Variants in THBS2 observed in about 807,000 individuals in gnomAD.
THBS2 encodes the protein thrombospondin-2.
In THBS2, 47 loss-of-function variants were observed where a neutral mutation model predicts 135.2. The ratio of observed to expected loss-of-function variants is 0.35; its 90% CI spans 0.28 to 0.44. THBS2 has a LOEUF of 0.44. Among genes scored for constraint, THBS2 ranks in the 20% least tolerant of loss-of-function variants. The probability of loss-of-function intolerance (pLI) is 1.00; values close to 1 mark genes in which losing one functional copy is unlikely to be tolerated. For missense variants in THBS2, 1,288 were observed against 1,603.1 expected (o/e 0.80, Z 3.36); for synonymous variants, 639 against 633.8 (o/e 1.01, Z -0.12).
intron 4 of THBS2, among the ~76,000 whole-genome samples, chr6:169,242,623 A>G (rs1477609454): frequency 6.8e-5 from 2 of 29,296 alleles, no homozygotes; most frequent in Non-Finnish European, 1.4e-4. Flanking sequence ...CACCGCTCCC[A>G]CCTTCCCACC....
chr6:169,245,752 A>C (rs989905993), intron 4 of THBS2, among the ~76,000 whole-genome samples: 1 of 149,346 alleles, frequency 6.7e-6, no homozygotes, highest in Admixed American at 6.8e-5. Flanking sequence ...AGATCGCACC[A>C]CTGCACTCCA....
chr6:169,236,466 C>T (rs1780078514), intron 9 of THBS2, among the ~76,000 whole-genome samples: 1 of 110,844 alleles, frequency 9.0e-6, no homozygotes, highest in African/African-American at 3.1e-5. Flanking sequence ...ACACCATCCA[C>T]ACTCACTCCC....
At chr6:169,239,438 A>G (rs937888763) in intron 7 of THBS2, 161 bp downstream of exon 7, 11 of 652,196 alleles carry the variant, frequency 1.7e-5, no homozygotes, top group Non-Finnish European at 2.6e-5. Flanking sequence ...GTCAGTCCTC[A>G]GTGGATGACC....
In THBS2 at chr6:169,234,737, C is replaced by T. The variant is rs201535956; in HGVS notation, c.1648G>A (p.Val550Met). Reference protein sequence around the residue: ...RQMCNKRSCPVDGCLSNPCFP... With the variant: ...RQMCNKRSCPMDGCLSNPCFP... The stretch of plus-strand genomic sequence containing the variant: ...CCCGCTTCTACCCCTCACTCACCCA[C>T]GGGGCAGCTCCTCTTGTTGCACATC... The change falls in exon 10 of 22, where the codon GTG becomes ATG. Residue 550 changes from valine (V) to methionine (M), a missense_variant. By Grantham distance (21) the Val-to-Met change is conservative. Transcript: ENST00000617924. 1.7e-5 allele frequency: 27 copies of T among 1,567,686 alleles called. No individual in the cohort carries two copies. The East Asian group carries it at 2.1e-4, about 12-fold the overall frequency.
At chr6:169,229,804 A>G in intron 13 of THBS2, 125 bp from the exon 14 acceptor site, 1 of 714,700 alleles carries the variant, frequency 1.4e-6, no homozygotes. Flanking sequence ...CCTCGATCTC[A>G]AGCGGGAGCT....
At chr6:169,246,744 G>A (rs1208164966) in intron 3 of THBS2, among the ~76,000 whole-genome samples, 10 of 152,162 alleles carry the variant, frequency 6.6e-5, no homozygotes, top group South Asian at 2.1e-4. Flanking sequence ...GAGTTATGAC[G>A]GGGCTGGGCC....
In THBS2 at chr6:169,219,953, G is replaced by C. The variant is rs191825093; in HGVS notation, c.3511+245C>G. On this transcript the variant is annotated intron_variant, in intron 21 of 21. Transcript: ENST00000617924. ...CTAGGCTATGGCACAATGAGGATGGGTGGGACCTGTAAATAATTGGAAAGT... is the reference window on the plus strand; with the variant it reads ...CTAGGCTATGGCACAATGAGGATGGCTGGGACCTGTAAATAATTGGAAAGT... 2.1e-4 allele frequency: 125 copies of C among 608,006 alleles called. 1 individual carries two copies. In the East Asian group the frequency reaches 2.7e-3, roughly 13 times the overall value. 37.7% of individuals were successfully genotyped at this position (608,006 alleles called of 1,614,324 possible). A position where few individuals can be genotyped will look rare whatever the true frequency, so the allele number is the denominator to read the frequency against.
At chr6:169,229,825 C>T (rs1305868534) in intron 13 of THBS2, 146 bp from the exon 14 acceptor site, 3 of 604,004 alleles carry the variant, frequency 5.0e-6, no homozygotes, top group Non-Finnish European at 8.7e-6. Flanking sequence ...GAGAGAGGAG[C>T]CAGGAGGCCA....
chr6:169,247,412 G>A (rs1195232876), intron 3 of THBS2, among the ~76,000 whole-genome samples: 1 of 152,032 alleles, frequency 6.6e-6, no homozygotes, highest in Admixed American at 6.5e-5. Flanking sequence ...GTTTGCATGA[G>A]GTGTTTGTGT....
chr6:169,248,132 T>C (rs1257159150), intron 3 of THBS2, among the ~76,000 whole-genome samples: 2 of 151,356 alleles, frequency 1.3e-5, no homozygotes, highest in Non-Finnish European at 2.9e-5. Context: ...TGTTTGTGTA[T>C]ATGTCTTTGG....
intron 17 of THBS2, among the ~76,000 whole-genome samples, chr6:169,224,203 C>G (rs546809568): frequency 6.6e-6 from 1 of 152,338 alleles, no homozygotes; most frequent in African/African-American, 2.4e-5. Flanking sequence ...CCGTTCTGTT[C>G]AAGAACATAC....
At position 169,248,952 on chromosome 6, in the gene THBS2, G is replaced by A. The variant is rs137955402; in HGVS notation, c.74C>T (p.Thr25Met). 582 of 1,608,192 alleles carry A rather than the reference G, an allele frequency of 3.6e-4. No individual in the cohort carries two copies. The African/African-American group carries it at 6.2e-3, about 17-fold the overall frequency. Residue 25 changes from threonine to methionine, a missense_variant, in exon 3 of 22, where the codon ACG becomes ATG. By Grantham distance (81) the Thr-to-Met change is moderately conservative. This residue lies in a region of THBS2 where 414 missense variants were observed against 447.0 expected (regional missense o/e 0.93). Coordinates refer to ENST00000617924, the MANE Select transcript of THBS2 (RefSeq NM_003247.5). ...STQAGHQDKD[T>M]TFDLFSISNI... ...GCTGATACTGAAAAGGTCGAAGGTC[G>A]TGTCTTTGTCCTGGTGACCAGCTGC...
intron 6 of THBS2, among the ~76,000 whole-genome samples, chr6:169,240,065 T>G (rs4076565): frequency 0.16 from 24,286 of 152,158 alleles, 4,095 homozygotes; most frequent in African/African-American, 0.43. Context: ...AAAAGCTAAA[T>G]TGTCTGTCTG....
chr6:169,232,433 A>G (rs1779873899), intron 12 of THBS2, among the ~76,000 whole-genome samples: 1 of 152,068 alleles, frequency 6.6e-6, no homozygotes, highest in South Asian at 2.1e-4. Flanking sequence ...GGCTGCGCTA[A>G]CAGCGGAGAG....
chr6:169,221,317 G>A (rs915816602), intron 20 of THBS2, 113 bp downstream of exon 20: 3 of 900,324 alleles, frequency 3.3e-6, no homozygotes, highest in Non-Finnish European at 5.4e-6. Context: ...GAAGAATCCA[G>A]AGTAAAACAA....
chr6:169,246,116 T>TAC (rs1181163939), intron 4 of THBS2, 81 bp downstream of exon 4: 50 of 1,148,214 alleles, frequency 4.4e-5, no homozygotes, highest in East Asian at 9.6e-5. Context: ...TGCACACACA[T>TAC]ACACACACAC....
At chr6:169,229,272 C>T (rs1283390460) in intron 14 of THBS2, among the ~76,000 whole-genome samples, 1 of 152,228 alleles carries the variant, frequency 6.6e-6, no homozygotes, top group Non-Finnish European at 1.5e-5. Context: ...GTGGTGTCAG[C>T]CTTGCCCATC....
intron 10 of THBS2, among the ~76,000 whole-genome samples, chr6:169,234,006 G>A (rs1268709044): frequency 1.3e-5 from 2 of 148,842 alleles, no homozygotes; most frequent in African/African-American, 5.0e-5. Flanking sequence ...CTACCTACAT[G>A]CCACGTTCCA....
Position 169,252,805 on chromosome 6 carries a change from G to A in THBS2, c.-23+919C>T, listed in dbSNP as rs547122531. Reference sequence around the variant, plus strand: ...TGTGTTTTTCCAAAAGAAAGATTTCGGTGCCTGTCTGCAGCAGAATGTAGT... The same window carrying A: ...TGTGTTTTTCCAAAAGAAAGATTTCAGTGCCTGTCTGCAGCAGAATGTAGT... On this transcript the variant is annotated intron_variant, in intron 1 of 21. Coordinates refer to ENST00000617924, the MANE Select transcript of THBS2 (RefSeq NM_003247.5). The surrounding 1 kb of genome is among the most constrained non-coding windows in gnomAD (Gnocchi z 4.3). Among the ~76,000 whole-genome samples, 3 of 152,304 alleles carry A rather than the reference G, an allele frequency of 2.0e-5. No homozygotes were observed. The highest frequency in any genetic ancestry group is 1.3e-4 in the Admixed American group (2 of 15,290).
Sources: gnomAD v4.1 joint callset for allele counts (sites outside exome capture counted in the v4.1 genomes callset) on GRCh38, gnomAD v4.1.1 for gene constraint, gnomAD v4.1.1 regional missense constraint, Gnocchi (gnomAD v3.1) non-coding constraint, MANE v1.5 for transcripts, NCBI Gene and HGNC (gene_info 2026-07-23, HGNC 2026-07-21) for gene names.